The following SYNE1 variants were observed in gnomAD, a reference collection of about 807,000 sequenced individuals.
SYNE1 encodes the protein spectrin repeat containing nuclear envelope protein 1.
SYNE1 carries 616 observed loss-of-function variants against 1,111.0 expected under a neutral mutation model. That is an observed-to-expected ratio of 0.55 (90% CI 0.52 to 0.59). The LOEUF is 0.59. Ranked by LOEUF, SYNE1 falls within the 20% of genes least tolerant of loss-of-function variation. The probability of loss-of-function intolerance (pLI) is 0.00; values close to 1 mark genes in which losing one functional copy is unlikely to be tolerated. For synonymous variants in SYNE1, 3,855 were observed against 3,825.8 expected (o/e 1.01, Z -0.28); for missense variants, 10,006 against 10,417.0 (o/e 0.96, Z 1.72).
intron 60 of SYNE1, 127 bp downstream of exon 60, chr6:152,369,344 G>A: frequency 6.8e-7 from 1 of 1,469,688 alleles, no homozygotes; most frequent in Admixed American, 1.8e-5. Context: ...ACCAGAAATG[G>A]GGAAAAACAC....
chr6:152,191,078 A>G (rs9479254), intron 127 of SYNE1, among the ~76,000 whole-genome samples: 65,100 of 152,056 alleles, frequency 0.43, 14,592 homozygotes, highest in African/African-American at 0.58. Flanking sequence ...CACATTGATT[A>G]ATTTGAGAAT....
chr6:152,369,385 A>C, intron 60 of SYNE1, 86 bp downstream of exon 60: 1 of 1,589,908 alleles, frequency 6.3e-7, no homozygotes, highest in Non-Finnish European at 8.6e-7. Flanking sequence ...AGTCTAACTC[A>C]AGGGTGCTGA....
intron 125 of SYNE1, among the ~76,000 whole-genome samples, chr6:152,207,125 T>C (rs2076658652): frequency 6.6e-6 from 1 of 151,958 alleles, no homozygotes; most frequent in Non-Finnish European, 1.5e-5. Context: ...GATGTAGAGT[T>C]AGGGAGATTA....
At chr6:152,363,319 C>A (rs1397802134) in intron 63 of SYNE1, among the ~76,000 whole-genome samples, 1 of 148,814 alleles carries the variant, frequency 6.7e-6, no homozygotes, top group South Asian at 2.1e-4. Context: ...ACAGTGAAAC[C>A]CCGTCTCTAC....
chr6:152,154,796 A>T, intron 133 of SYNE1, 96 bp downstream of exon 133: 1 of 1,377,894 alleles, frequency 7.3e-7, no homozygotes, highest in Non-Finnish European at 1.0e-6. Flanking sequence ...AGCAGATAAC[A>T]TGTGGTGAAC....
At chr6:152,134,829 A>G (rs1205167296) in intron 142 of SYNE1, 1 of 426,736 alleles carries the variant, frequency 2.3e-6, no homozygotes, top group Non-Finnish European at 4.2e-6. Context: ...AATAAACAAC[A>G]CAAGCTAATT....
intron 12 of SYNE1, among the ~76,000 whole-genome samples, chr6:152,486,447 AAGG>A (rs1311387975): frequency 1.3e-5 from 2 of 152,206 alleles, no homozygotes; most frequent in Non-Finnish European, 2.9e-5. Flanking sequence ...TTCGGGCTGA[AAGG>A]AGGATTTCTG....
rs551962186 is a variant in SYNE1, at chr6:152,122,658, G to A, written c.26172C>T (p.Ser8724=). 4.3e-6 allele frequency: 7 copies of A among 1,613,950 alleles called. No homozygotes were observed. The highest frequency in any genetic ancestry group is 4.5e-5 in the East Asian group (2 of 44,874). ...GCCCTGGCTCAGAAAGGGAGGAATC[G>A]GAGCCACCTTTTGTGGACCTGAGAG... The part of the protein sequence containing the change: ...SPHSRSTKGG[S]DSSLSEPGPG... The change falls in exon 146 of 146, where the codon TCC becomes TCT. Residue 8724 remains serine (S), a synonymous_variant. Transcript: ENST00000367255.
chr6:152,606,120 T>C (rs1583308487), intron 3 of SYNE1, among the ~76,000 whole-genome samples: 1 of 152,218 alleles, frequency 6.6e-6, no homozygotes, highest in East Asian at 1.9e-4. Context: ...AAAGCCACAG[T>C]TTGTTGTCTG....
chr6:152,268,073 C>G lies in SYNE1; in HGVS notation c.18798G>C (p.Glu6266Asp), dbSNP rs1404733233. 3.1e-6 allele frequency: 5 copies of G among 1,613,766 alleles called. No individual in the cohort carries two copies. Among genetic ancestry groups the G allele is most frequent in the Non-Finnish European group, 4.2e-6 (5 of 1,179,818 alleles). ...EEILIQHSAA[E>D]TSGDAGEKPD... ...AAACATACCCAGCATCACCAGAGGT[C>G]TCTGCCGCCGAATGTTGAATTAGAA... is the stretch of plus-strand genomic sequence containing the variant. The change falls in exon 100 of 146, where the codon GAG (glutamate) becomes GAC (aspartate). Residue 6266 changes from glutamate (E) to aspartate (D), a missense_variant. Glu to Asp is a conservative substitution (Grantham distance 45). Around this residue, in one of 7 missense-constraint regions of SYNE1, gnomAD observed 2,182 missense variants for 2,287.8 expected, o/e 0.95. Coordinates refer to ENST00000367255, the MANE Select transcript of SYNE1 (RefSeq NM_182961.4).
intron 56 of SYNE1, 126 bp from the exon 57 acceptor site, chr6:152,377,038 A>G (rs1340775132): frequency 2.5e-6 from 3 of 1,197,838 alleles, no homozygotes; most frequent in Non-Finnish European, 3.5e-6. Context: ...GGTAGATTCA[A>G]TGAAGAAATG....
chr6:152,130,680 G>A, intron 145 of SYNE1, 40 bp downstream of exon 145: 1 of 1,608,316 alleles, frequency 6.2e-7, no homozygotes, highest in Non-Finnish European at 8.5e-7. Flanking sequence ...TCATCCTCTT[G>A]GGGTTCTAGA....
chr6:152,239,630 T>C lies in SYNE1; in HGVS notation c.19970A>G (p.Gln6657Arg), dbSNP rs751964300. 3.7e-6 allele frequency: 6 copies of C among 1,614,114 alleles called. No individual in the cohort carries two copies. The highest frequency in any genetic ancestry group is 1.3e-5 in the African/African-American group (1 of 74,940). Residue 6657 changes from glutamine to arginine, a missense_variant, in exon 108 of 146, where the codon CAA becomes CGA. Transcript: ENST00000367255. ...CTCTGTATGGAACTGGGTTTCCTTT[T>C]GGACTGCAAAGCTGATTATCTTTCT... is the stretch of plus-strand genomic sequence containing the variant. ...LFRKIISFAVQKETQFHTELM... is the reference protein window; with the variant it reads ...LFRKIISFAVRKETQFHTELM...
chr6:152,551,131 G>C (rs1305137426), intron 3 of SYNE1, among the ~76,000 whole-genome samples: 1 of 152,114 alleles, frequency 6.6e-6, no homozygotes, highest in Non-Finnish European at 1.5e-5. Context: ...AGGAGACAAT[G>C]ATCGGATAGT....
chr6:152,187,855 A>G (rs2070683217), intron 128 of SYNE1, among the ~76,000 whole-genome samples: 1 of 151,872 alleles, frequency 6.6e-6, no homozygotes, highest in Non-Finnish European at 1.5e-5. Context: ...CCTCCCAAGT[A>G]GCTGGGATTA....
Position 152,352,147 on chromosome 6 carries a change from T to C in SYNE1, c.11460A>G (p.Glu3820=), listed in dbSNP as rs774682563. Residue 3820 remains glutamate (E), a synonymous_variant, in exon 70 of 146, where the codon GAA becomes GAG. Transcript: ENST00000367255. ...TLEKGLHLAK[E]FSDKCKALTQ... ...TCAGTGCTTTGCATTTATCTGAGAA[T>C]TCCTTTGCTAAATGAAGACCTTTTT... 1 of 1,614,258 alleles carries C rather than the reference T, an allele frequency of 6.2e-7. No individual in the cohort carries two copies. The highest frequency in any genetic ancestry group is 1.1e-5 in the South Asian group (1 of 91,090).
intron 20 of SYNE1, among the ~76,000 whole-genome samples, chr6:152,462,327 A>T (rs960456893): frequency 6.6e-6 from 1 of 152,162 alleles, no homozygotes; most frequent in African/African-American, 2.4e-5. Flanking sequence ...TATATTGCAA[A>T]ATCTTACCAT....
Position 152,218,305 on chromosome 6 carries a change from G to T in SYNE1, c.22143C>A (p.Ser7381Arg), listed in dbSNP as rs1258854088. Reference sequence around the variant, plus strand: ...GGATTGTGGAGAGGTCAGATGAGTGGCTAGGGTCCTGCCCTTGTAGTATTT... The same window carrying T: ...GGATTGTGGAGAGGTCAGATGAGTGTCTAGGGTCCTGCCCTTGTAGTATTT... ...AEEILQGQDP[S>R]HSSDLSTIQE... is the part of the protein sequence containing the mutation. The change falls in exon 121 of 146, where the codon AGC becomes AGA. Residue 7381 changes from serine to arginine, a missense_variant. Transcript: ENST00000367255. 1 of 1,614,042 alleles carries T rather than the reference G, an allele frequency of 6.2e-7. No individual in the cohort carries two copies. Among genetic ancestry groups the T allele is most frequent in the Non-Finnish European group, 8.5e-7 (1 of 1,179,978 alleles).
chr6:152,494,602 C>T (rs906338936), intron 11 of SYNE1, among the ~76,000 whole-genome samples: 7 of 152,106 alleles, frequency 4.6e-5, no homozygotes, highest in African/African-American at 1.7e-4. Flanking sequence ...TAACTCAGGC[C>T]CTCACTCTTG....
Sources: gnomAD v4.1 joint callset for allele counts (sites outside exome capture counted in the v4.1 genomes callset) on GRCh38, gnomAD v4.1.1 for gene constraint, gnomAD v4.1.1 regional missense constraint, MANE v1.5 for transcripts, NCBI Gene and HGNC (gene_info 2026-07-23, HGNC 2026-07-21) for gene names.